XKR9: variants seen among roughly 807,000 people sequenced by gnomAD.
XKR9 encodes XK-related protein 9.
In XKR9, 32 loss-of-function variants were observed where a neutral mutation model predicts 32.0. That is an observed-to-expected ratio of 1.00 (90% CI 0.76 to 1.34). The LOEUF (loss-of-function observed/expected upper bound fraction) is 1.34. XKR9 is among the 40% of genes most tolerant of loss of function. The probability of loss-of-function intolerance (pLI) is 0.00; values close to 1 mark genes in which losing one functional copy is unlikely to be tolerated. For missense variants in XKR9, 546 were observed against 429.7 expected, an observed-to-expected ratio of 1.27 and a Z score of -2.39; for synonymous variants, 168 against 143.4, an observed-to-expected ratio of 1.17 and a Z score of -1.22.
At chr8:70,899,100 A>T in the XKR9 span, among the ~76,000 whole-genome samples, 1 of 152,006 alleles carries the variant, frequency 6.6e-6, no homozygotes, top group Non-Finnish European at 1.5e-5. Flanking sequence ...TTATTTTTGT[A>T]GTGATGGGGT....
At chr8:70,764,843 T>C (rs1455736502) in intron 2 of XKR9, among the ~76,000 whole-genome samples, 1 of 152,194 alleles carries the variant, frequency 6.6e-6, no homozygotes, top group Non-Finnish European at 1.5e-5. Context: ...CATGCGGTGT[T>C]TGGTTTTCTG....
chr8:70,705,914 T>G (rs543859380), intron 3 of XKR9, among the ~76,000 whole-genome samples: 8 of 152,118 alleles, frequency 5.3e-5, no homozygotes, highest in Middle Eastern at 3.2e-3. Context: ...AAGAAGTGTT[T>G]AGATTCTGGA....
chr8:70,878,428 C>T, the XKR9 span, among the ~76,000 whole-genome samples: 1 of 151,922 alleles, frequency 6.6e-6, no homozygotes. Context: ...TGCAAAGATG[C>T]ACATAGGCTC....
At chr8:70,813,713 C>T in the XKR9 span, among the ~76,000 whole-genome samples, 1 of 152,306 alleles carries the variant, frequency 6.6e-6, no homozygotes, top group South Asian at 2.1e-4. Context: ...CACTGGCCGT[C>T]AGAGAAATGC....
the XKR9 span, among the ~76,000 whole-genome samples, chr8:71,062,167 C>T: frequency 2.5e-3 from 385 of 152,226 alleles, 5 homozygotes; most frequent in African/African-American, 8.8e-3. Context: ...GCCATTTTGC[C>T]GTCACAGGAT....
the XKR9 span, among the ~76,000 whole-genome samples, chr8:71,012,265 A>G: frequency 6.6e-6 from 1 of 152,176 alleles, no homozygotes; most frequent in African/African-American, 2.4e-5. Context: ...AGAGGTGAGG[A>G]GTTGGTGAGA....
At chr8:71,038,992 C>T in the XKR9 span, among the ~76,000 whole-genome samples, 3 of 151,042 alleles carry the variant, frequency 2.0e-5, no homozygotes, top group Non-Finnish European at 4.4e-5. Flanking sequence ...TTAGTAGAGA[C>T]GGGGTTTCAC....
the XKR9 span, among the ~76,000 whole-genome samples, chr8:70,847,699 C>T: frequency 2.6e-5 from 4 of 151,818 alleles, no homozygotes; most frequent in Non-Finnish European, 4.4e-5. Flanking sequence ...TTCAACTATA[C>T]ATCAGAAATT....
At chr8:70,984,721 T>A in the XKR9 span, among the ~76,000 whole-genome samples, 2 of 152,198 alleles carry the variant, frequency 1.3e-5, no homozygotes, top group Admixed American at 1.3e-4. Context: ...AGTAGGGCCA[T>A]TCTATTCATT....
chr8:70,778,379 C>G (rs973088913), intron 2 of XKR9, among the ~76,000 whole-genome samples: 3 of 152,092 alleles, frequency 2.0e-5, no homozygotes, highest in East Asian at 1.9e-4. Context: ...GTCAGGTAGC[C>G]TGATGCCTCC....
the XKR9 span, among the ~76,000 whole-genome samples, chr8:71,009,440 A>C: frequency 6.6e-6 from 1 of 152,196 alleles, no homozygotes; most frequent in African/African-American, 2.4e-5. Context: ...AAGATTGGAC[A>C]CTACTGGTCT....
At chr8:70,856,930 A>G in the XKR9 span, among the ~76,000 whole-genome samples, 2 of 152,196 alleles carry the variant, frequency 1.3e-5, no homozygotes, top group Non-Finnish European at 2.9e-5. Flanking sequence ...ACCAACGACA[A>G]CAAAGACACA....
the XKR9 span, among the ~76,000 whole-genome samples, chr8:71,006,683 A>G: frequency 6.6e-6 from 1 of 152,196 alleles, no homozygotes; most frequent in Non-Finnish European, 1.5e-5. Flanking sequence ...CTCCATGGTA[A>G]GAAAATGTTT....
the XKR9 span, among the ~76,000 whole-genome samples, chr8:71,030,136 T>A: frequency 6.6e-6 from 1 of 152,178 alleles, no homozygotes; most frequent in Non-Finnish European, 1.5e-5. Flanking sequence ...TTAAAAATGT[T>A]GGCAGGACAG....
At chr8:70,682,066 C>CTATA (rs1465989839) in intron 3 of XKR9, among the ~76,000 whole-genome samples, 1 of 151,960 alleles carries the variant, frequency 6.6e-6, no homozygotes, top group East Asian at 1.9e-4. Context: ...CTTTTTGAAG[C>CTATA]TATAGTTATT....
At chr8:70,890,926 G>C in the XKR9 span, among the ~76,000 whole-genome samples, 2 of 151,768 alleles carry the variant, frequency 1.3e-5, no homozygotes, top group South Asian at 2.1e-4. Context: ...TAGTTATTTG[G>C]CTTTTCTTTG....
the XKR9 span, among the ~76,000 whole-genome samples, chr8:71,028,425 A>G: frequency 6.6e-6 from 1 of 152,196 alleles, no homozygotes; most frequent in Non-Finnish European, 1.5e-5. Context: ...GAAATCTAAA[A>G]AAGTTAAACT....
intron 2 of XKR9, among the ~76,000 whole-genome samples, chr8:70,777,513 A>G (rs1296455410): frequency 2.6e-5 from 4 of 152,140 alleles, no homozygotes; most frequent in African/African-American, 4.8e-5. Context: ...CTAGTTCTAG[A>G]TCCCTGAGGA....
intron 1 of XKR9, among the ~76,000 whole-genome samples, chr8:70,672,579 G>A (rs965759451): frequency 6.6e-6 from 1 of 152,064 alleles, no homozygotes; most frequent in African/African-American, 2.4e-5. Flanking sequence ...ACAAATAGTA[G>A]TGGGATTGCT....
Sources: gnomAD v4.1 joint callset for allele counts (sites outside exome capture counted in the v4.1 genomes callset) on GRCh38, gnomAD v4.1.1 for gene constraint, MANE v1.5 for transcripts, NCBI Gene and HGNC (gene_info 2026-07-23, HGNC 2026-07-21) for gene names.